MITF: variants seen among roughly 807,000 people sequenced by gnomAD.
The protein encoded by MITF is melanocyte inducing transcription factor.
MITF carries 17 observed loss-of-function variants against 60.5 expected under a neutral mutation model. The ratio of observed to expected loss-of-function variants is 0.28; its 90% CI spans 0.19 to 0.42. The LOEUF is 0.42. Among genes scored for constraint, MITF ranks in the 10% least tolerant of loss-of-function variants. The pLI, the probability that MITF is intolerant of heterozygous loss-of-function variation, is 1.00. For missense variants in MITF, 622 were observed against 683.5 expected (o/e 0.91, Z 1.00); for synonymous variants, 260 against 248.5 (o/e 1.05, Z -0.43).
intron 5 of MITF, among the ~76,000 whole-genome samples, chr3:69,945,619 A>G (rs2066076091): frequency 6.6e-6 from 1 of 152,212 alleles, no homozygotes; most frequent in African/African-American, 2.4e-5. Flanking sequence ...TTCAGCAAAT[A>G]AGAGCGGTTG....
chr3:69,837,776 G>A lies in MITF; in HGVS notation c.105-41358G>A, dbSNP rs9841155. On this transcript the variant is annotated intron_variant, in intron 1 of 9. Transcript: ENST00000352241. The stretch of plus-strand genomic sequence containing the variant: ...TTAATTGAATATTCATATGTTTCCC[G>A]GCAGAAATATTAATGTACTTGATTA... 2.0e-3 allele frequency among the ~76,000 whole-genome samples: 310 copies of A among 152,074 alleles called. 3 individuals carry two copies. The highest frequency in any genetic ancestry group is 6.7e-3 in the African/African-American group (276 of 41,480).
chr3:69,935,358 A>T (rs1335249652), intron 2 of MITF, among the ~76,000 whole-genome samples: 1 of 152,252 alleles, frequency 6.6e-6, no homozygotes, highest in Non-Finnish European at 1.5e-5. Context: ...ATTCTGATTC[A>T]TTAAAGAATT....
At chr3:69,765,008 G>A (rs1292266166) in intron 1 of MITF, among the ~76,000 whole-genome samples, 1 of 152,144 alleles carries the variant, frequency 6.6e-6, no homozygotes, top group East Asian at 1.9e-4. Flanking sequence ...AGTTCTCTGG[G>A]CTCCTGTGCT....
intron 9 of MITF, 62 bp downstream of exon 9, chr3:69,959,482 G>A: frequency 6.3e-7 from 1 of 1,593,540 alleles, no homozygotes; most frequent in South Asian, 1.1e-5. Flanking sequence ...AGTAGAAACA[G>A]GGATATAATG....
At chr3:69,764,111 A>AT (rs1244197961) in intron 1 of MITF, among the ~76,000 whole-genome samples, 1 of 152,168 alleles carries the variant, frequency 6.6e-6, no homozygotes, top group Non-Finnish European at 1.5e-5. Context: ...TTCAGTGAAC[A>AT]TTTTTTCAGA....
At chr3:69,924,561 A>T (rs2065543007) in intron 2 of MITF, among the ~76,000 whole-genome samples, 1 of 152,172 alleles carries the variant, frequency 6.6e-6, no homozygotes, top group Non-Finnish European at 1.5e-5. Flanking sequence ...AATAGAATGA[A>T]CCCTTCGCGT....
chr3:69,953,720 G>T (rs544859880), intron 7 of MITF, among the ~76,000 whole-genome samples: 3 of 148,890 alleles, frequency 2.0e-5, no homozygotes, highest in South Asian at 4.4e-4. Flanking sequence ...GAGAAAGAAA[G>T]AGAGAGAGAG....
chr3:69,951,788 T>C (rs761017767), intron 6 of MITF, 24 bp from the exon 7 acceptor site: 33 of 1,601,352 alleles, frequency 2.1e-5, no homozygotes, highest in Non-Finnish European at 2.8e-5. Flanking sequence ...TTCCAACTTC[T>C]AATGACTTCA....
chr3:69,809,497 C>T (rs1472874950), intron 1 of MITF, among the ~76,000 whole-genome samples: 1 of 152,086 alleles, frequency 6.6e-6, no homozygotes, highest in Non-Finnish European at 1.5e-5. Context: ...TTGGGCCCAA[C>T]TGGTAGATCA....
At chr3:69,868,121 A>G (rs1404629641) in intron 1 of MITF, among the ~76,000 whole-genome samples, 2 of 152,246 alleles carry the variant, frequency 1.3e-5, no homozygotes, top group African/African-American at 4.8e-5. Context: ...AGCAGATACC[A>G]TTTCAGGAAT....
At chr3:69,854,242 T>C (rs568386332) in intron 1 of MITF, among the ~76,000 whole-genome samples, 56 of 152,166 alleles carry the variant, frequency 3.7e-4, no homozygotes, top group Non-Finnish European at 7.5e-4. Context: ...TTGTGTCCCA[T>C]AGACTTAAAA....
intron 1 of MITF, among the ~76,000 whole-genome samples, chr3:69,839,040 A>G (rs936885301): frequency 4.6e-5 from 7 of 152,170 alleles, no homozygotes; most frequent in African/African-American, 1.2e-4. Flanking sequence ...CTGAGTGGCC[A>G]TTACTGCTGC....
intron 1 of MITF, among the ~76,000 whole-genome samples, chr3:69,794,047 A>T (rs1212773159): frequency 1.3e-5 from 2 of 152,124 alleles, no homozygotes; most frequent in African/African-American, 4.8e-5. Flanking sequence ...CAGCTATATG[A>T]AGTGTATAGG....
chr3:69,831,903 C>T (rs758106186), intron 1 of MITF, among the ~76,000 whole-genome samples: 2 of 152,150 alleles, frequency 1.3e-5, no homozygotes, highest in African/African-American at 2.4e-5. Context: ...GAACGGTGCC[C>T]GAGGGAGTGG....
intron 1 of MITF, among the ~76,000 whole-genome samples, chr3:69,811,856 A>T (rs948204214): frequency 6.6e-6 from 1 of 152,206 alleles, no homozygotes; most frequent in Non-Finnish European, 1.5e-5. Flanking sequence ...GTGCATGCAC[A>T]TTCCACAGGG....
At chr3:69,897,284 G>A (rs370724938) in intron 2 of MITF, among the ~76,000 whole-genome samples, 1 of 152,116 alleles carries the variant, frequency 6.6e-6, no homozygotes, top group African/African-American at 2.4e-5. Context: ...AATGATTTGG[G>A]GAATGAGTGA....
At chr3:69,921,867 T>C (rs1412361993) in intron 2 of MITF, among the ~76,000 whole-genome samples, 4 of 152,196 alleles carry the variant, frequency 2.6e-5, no homozygotes, top group Non-Finnish European at 5.9e-5. Context: ...AAAGAGTCTT[T>C]GTTTTGAAAG....
At chr3:69,913,640 C>A (rs897095670) in intron 2 of MITF, among the ~76,000 whole-genome samples, 1 of 152,164 alleles carries the variant, frequency 6.6e-6, no homozygotes, top group Non-Finnish European at 1.5e-5. Flanking sequence ...GTGCAGTCTA[C>A]TCTTTTCAGA....
At chr3:69,853,860 C>T (rs1236821346) in intron 1 of MITF, among the ~76,000 whole-genome samples, 3 of 147,334 alleles carry the variant, frequency 2.0e-5, no homozygotes, top group East Asian at 3.9e-4. Flanking sequence ...TGATCTCTTT[C>T]GTCTTTTTTT....
Sources: gnomAD v4.1 joint callset for allele counts (sites outside exome capture counted in the v4.1 genomes callset) on GRCh38, gnomAD v4.1.1 for gene constraint, MANE v1.5 for transcripts, NCBI Gene and HGNC (gene_info 2026-07-23, HGNC 2026-07-21) for gene names.